The following RHBDL3 variants were observed in gnomAD, a reference collection of about 807,000 sequenced individuals.
RHBDL3 encodes rhomboid like 3.
A neutral mutation model predicts 48.2 loss-of-function variants in RHBDL3; 28 were observed. The ratio of observed to expected loss-of-function variants is 0.58; its 90% CI spans 0.43 to 0.80. RHBDL3 has a LOEUF of 0.80. Among genes scored for constraint, RHBDL3 ranks in the 30% least tolerant of loss-of-function variants. RHBDL3 has a pLI of 0.00. For synonymous variants in RHBDL3, 208 were observed against 232.3 expected (o/e 0.90, Z 0.95); for missense variants, 464 against 542.7 (o/e 0.85, Z 1.44).
chr17:32,317,843 G>A (rs1567791837), intron 8 of RHBDL3, among the ~76,000 whole-genome samples: 1 of 152,124 alleles, frequency 6.6e-6, no homozygotes. Flanking sequence ...GTGGGGACAA[G>A]GGGGATAAGA....
At chr17:32,298,032 A>ATGAG in intron 5 of RHBDL3, 60 bp from the exon 6 acceptor site, 1 of 1,071,282 alleles carries the variant, frequency 9.3e-7, no homozygotes, top group African/African-American at 1.6e-5. Context: ...TGTTTGTTGA[A>ATGAG]TGAATGAATG....
At chr17:32,283,078 G>A (rs1208948231) in intron 2 of RHBDL3, among the ~76,000 whole-genome samples, 1 of 152,178 alleles carries the variant, frequency 6.6e-6, no homozygotes, top group African/African-American at 2.4e-5. Flanking sequence ...GGACTCCCTC[G>A]TCATGCACAC....
chr17:32,276,897 C>G (rs201527811), intron 2 of RHBDL3, among the ~76,000 whole-genome samples: 57 of 111,754 alleles, frequency 5.1e-4, no homozygotes, highest in South Asian at 1.8e-3. Flanking sequence ...GCACCTTACT[C>G]CGGCCCTAGC....
At chr17:32,279,276 C>T (rs1348097997) in intron 2 of RHBDL3, among the ~76,000 whole-genome samples, 5 of 152,174 alleles carry the variant, frequency 3.3e-5, no homozygotes, top group African/African-American at 4.8e-5. Context: ...CAGCCCTTAT[C>T]GTGTTGCTGT....
intron 8 of RHBDL3, among the ~76,000 whole-genome samples, chr17:32,319,027 T>G (rs1356688208): frequency 2.0e-5 from 3 of 151,374 alleles, no homozygotes; most frequent in Admixed American, 1.3e-4. Context: ...TAGGGTGCAG[T>G]GGGGTGGCAG....
At chr17:32,272,284 A>G (rs1202203158) in intron 2 of RHBDL3, among the ~76,000 whole-genome samples, 4 of 152,342 alleles carry the variant, frequency 2.6e-5, no homozygotes, top group African/African-American at 9.6e-5. Flanking sequence ...TCTGACTTCC[A>G]GTGTCTCCCC....
At chr17:32,304,011 T>C (rs972893760) in intron 6 of RHBDL3, among the ~76,000 whole-genome samples, 1 of 152,214 alleles carries the variant, frequency 6.6e-6, no homozygotes, top group African/African-American at 2.4e-5. Flanking sequence ...AGCCCTGGGC[T>C]CTACCTCCTA....
intron 7 of RHBDL3, among the ~76,000 whole-genome samples, chr17:32,312,378 T>G (rs2040864436): frequency 6.6e-6 from 1 of 152,034 alleles, no homozygotes; most frequent in South Asian, 2.1e-4. Context: ...AAGGCTGCAG[T>G]GAGTCGTGAT....
intron 2 of RHBDL3, among the ~76,000 whole-genome samples, chr17:32,273,085 C>T (rs2039811845): frequency 6.6e-6 from 1 of 152,234 alleles, no homozygotes; most frequent in Non-Finnish European, 1.5e-5. Context: ...ACCGCAACCT[C>T]CACCTCCCGG....
At chr17:32,269,109 A>G (rs929572542) in intron 2 of RHBDL3, among the ~76,000 whole-genome samples, 1 of 152,182 alleles carries the variant, frequency 6.6e-6, no homozygotes. Flanking sequence ...ACACTTTGGG[A>G]GGCTAAGGCG....
intron 1 of RHBDL3, among the ~76,000 whole-genome samples, chr17:32,267,211 CTT>C (rs951316121): frequency 1.3e-5 from 2 of 152,102 alleles, no homozygotes; most frequent in Admixed American, 1.3e-4. Flanking sequence ...GATCTTCTCT[CTT>C]TGGCGTCTGC....
At position 32,319,183 on chromosome 17, in the gene RHBDL3, G is replaced by A. The variant is rs182264047; in HGVS notation, c.944-1775G>A. On this transcript the variant is annotated intron_variant, in intron 8 of 8. Transcript: ENST00000269051. ...CACGCTTGTAATCCCAGCACTTTGG[G>A]AGGCCGAGGCGGACGGATCACGAGG... Among the ~76,000 whole-genome samples the A allele has an allele frequency of 1.7e-4, 26 of 151,978 alleles. No homozygotes were observed. The East Asian group carries it at 2.3e-3, about 14-fold the overall frequency.
intron 4 of RHBDL3, among the ~76,000 whole-genome samples, chr17:32,290,008 G>A (rs2040290096): frequency 6.6e-6 from 1 of 152,142 alleles, no homozygotes; most frequent in Admixed American, 6.6e-5. Context: ...GATATTCTTG[G>A]ACTCGTTCTT....
Position 32,321,420 on chromosome 17 carries a change from A to T in RHBDL3, c.*191A>T. ...TTTTCTGAAAGGCATCTGGCGGAGG[A>T]GTTGATGTGGCTGCTGTCGTTTTTC... On this transcript the variant is annotated 3_prime_UTR_variant, in exon 9 of 9. Transcript: ENST00000269051. 1 of 1,498,588 alleles carries T rather than the reference A, an allele frequency of 6.7e-7. No individual in the cohort carries two copies. The highest frequency in any genetic ancestry group is 2.5e-5 in the East Asian group (1 of 40,446). 92.8% of individuals were successfully genotyped at this position (1,498,588 alleles called of 1,614,324 possible).
chr17:32,318,171 C>A (rs1344094895), intron 8 of RHBDL3, among the ~76,000 whole-genome samples: 3 of 151,556 alleles, frequency 2.0e-5, no homozygotes, highest in Non-Finnish European at 4.4e-5. Flanking sequence ...GGCGACAGAG[C>A]AAGACCCTGT....
intron 4 of RHBDL3, among the ~76,000 whole-genome samples, chr17:32,290,013 G>A (rs2040290326): frequency 6.6e-6 from 1 of 152,180 alleles, no homozygotes; most frequent in Non-Finnish European, 1.5e-5. Flanking sequence ...TCTTGGACTC[G>A]TTCTTCAAGC....
chr17:32,301,591 C>T (rs753002440), intron 6 of RHBDL3, among the ~76,000 whole-genome samples: 4 of 152,070 alleles, frequency 2.6e-5, no homozygotes, highest in East Asian at 1.9e-4. Flanking sequence ...GAGGCCGAGG[C>T]GAGCAGATCA....
intron 2 of RHBDL3, among the ~76,000 whole-genome samples, chr17:32,281,317 A>T (rs2040037600): frequency 6.6e-6 from 1 of 151,934 alleles, no homozygotes; most frequent in South Asian, 2.1e-4. Context: ...CTGCAGCCTG[A>T]TCCCAGCACC....
intron 2 of RHBDL3, among the ~76,000 whole-genome samples, chr17:32,283,513 CG>C (rs2040115551): frequency 6.6e-6 from 1 of 151,676 alleles, no homozygotes; most frequent in South Asian, 2.1e-4. Context: ...TTAGTAGAGA[CG>C]GGGTTTCACC....
Sources: allele counts gnomAD v4.1 joint callset (sites outside exome capture counted in the v4.1 genomes callset), GRCh38; gene constraint gnomAD v4.1.1; transcripts MANE v1.5; gene names NCBI Gene and HGNC (gene_info 2026-07-23, HGNC 2026-07-21).